WWOX: variants seen among roughly 807,000 people sequenced by gnomAD.
The protein encoded by WWOX is WW domain containing oxidoreductase.
A neutral mutation model predicts 46.2 loss-of-function variants in WWOX; 69 were observed. The ratio of observed to expected loss-of-function variants is 1.49; its 90% CI spans 1.23 to 1.82. WWOX has a LOEUF of 1.82. WWOX is among the 40% of genes most tolerant of loss of function. The pLI, the probability that WWOX is intolerant of heterozygous loss-of-function variation, is 0.00. For synonymous variants in WWOX, 359 were observed against 202.6 expected (o/e 1.77, Z -6.56); for missense variants, 919 against 542.6 (o/e 1.69, Z -6.89).
intron 5 of WWOX, among the ~76,000 whole-genome samples, chr16:78,374,979 C>T (rs933296294): frequency 1.3e-5 from 2 of 152,184 alleles, no homozygotes; most frequent in East Asian, 3.9e-4. Flanking sequence ...AGCCACTGCG[C>T]CTGTCTACAT....
At chr16:79,099,703 C>T (rs1022783596) in intron 8 of WWOX, among the ~76,000 whole-genome samples, 3 of 151,674 alleles carry the variant, frequency 2.0e-5, no homozygotes, top group Admixed American at 6.6e-5. Context: ...GGGTATGGGC[C>T]GAAAATAACA....
intron 8 of WWOX, among the ~76,000 whole-genome samples, chr16:78,602,576 C>T (rs1013956531): frequency 2.6e-5 from 4 of 152,178 alleles, no homozygotes; most frequent in Non-Finnish European, 5.9e-5. Flanking sequence ...AGCTGTTGTG[C>T]TGGTAGCATC....
chr16:78,321,889 C>G (rs1019005726), intron 5 of WWOX, among the ~76,000 whole-genome samples: 2 of 152,172 alleles, frequency 1.3e-5, no homozygotes, highest in South Asian at 4.2e-4. Flanking sequence ...TAGTGACATG[C>G]GCTCTTCCCA....
At chr16:79,045,158 C>G (rs1405725796) in intron 8 of WWOX, among the ~76,000 whole-genome samples, 1 of 152,176 alleles carries the variant, frequency 6.6e-6, no homozygotes, top group East Asian at 1.9e-4. Context: ...TTAACCTTTA[C>G]AAGTGTTAAA....
intron 8 of WWOX, among the ~76,000 whole-genome samples, chr16:78,596,747 C>T (rs114203334): frequency 3.4e-4 from 51 of 152,020 alleles, no homozygotes; most frequent in African/African-American, 9.4e-4. Context: ...ATTAAGTGAA[C>T]GAAGGGTGCA....
intron 5 of WWOX, among the ~76,000 whole-genome samples, chr16:78,383,823 G>C (rs147183902): frequency 7.2e-5 from 11 of 152,262 alleles, no homozygotes; most frequent in Non-Finnish European, 1.6e-4. Flanking sequence ...GTGTGGACTT[G>C]AATCACTATC....
Position 78,392,406 on chromosome 16 carries a change from C to T in WWOX, c.605+5458C>T, listed in dbSNP as rs375552778. 2.3e-4 allele frequency among the ~76,000 whole-genome samples: 35 copies of T among 152,158 alleles called. No individual in the cohort carries two copies. In the Middle Eastern group the frequency reaches 0.01, roughly 44 times the overall value. ...AGGAAAACAAGCTCAGGGCTCCCAC[C>T]GATTGTACATTATGGTGAGTTGGAT... is the stretch of plus-strand genomic sequence containing the variant. On this transcript the variant is annotated intron_variant, in intron 6 of 8. Coordinates refer to ENST00000566780, the MANE Select transcript of WWOX (RefSeq NM_016373.4).
chr16:79,066,294 C>T (rs1486838981), intron 8 of WWOX, among the ~76,000 whole-genome samples: 2 of 152,218 alleles, frequency 1.3e-5, no homozygotes, highest in Non-Finnish European at 2.9e-5. Context: ...CTTCCTCCCG[C>T]ACACTGAGCA....
chr16:78,774,676 T>C (rs893156988), intron 8 of WWOX, among the ~76,000 whole-genome samples: 22 of 151,948 alleles, frequency 1.4e-4, no homozygotes, highest in Admixed American at 1.2e-3. Context: ...CTTGAAAGAC[T>C]CATTGTCTGT....
At chr16:78,788,107 C>G (rs1263288516) in intron 8 of WWOX, among the ~76,000 whole-genome samples, 1 of 152,046 alleles carries the variant, frequency 6.6e-6, no homozygotes, top group Non-Finnish European at 1.5e-5. Flanking sequence ...CTTTTTTACT[C>G]TTTTTATAGT....
At position 78,376,757 on chromosome 16, in the gene WWOX, C is replaced by G. The variant is rs567213882; in HGVS notation, c.517-10103C>G. ...GTAGACATTAGCAGATGTCTGCTAGCAGTTAGAATGGCCTCTGGTTGAGAA... is the reference window on the plus strand; with the variant it reads ...GTAGACATTAGCAGATGTCTGCTAGGAGTTAGAATGGCCTCTGGTTGAGAA... On this transcript the variant is annotated intron_variant, in intron 5 of 8. Coordinates refer to ENST00000566780, the MANE Select transcript of WWOX (RefSeq NM_016373.4). Among the ~76,000 whole-genome samples the G allele has an allele frequency of 2.0e-5, 3 of 152,296 alleles. No homozygotes were observed. In the East Asian group the frequency reaches 5.8e-4, roughly 29 times the overall value.
intron 8 of WWOX, among the ~76,000 whole-genome samples, chr16:79,047,628 T>A (rs1181239389): frequency 6.6e-6 from 1 of 151,422 alleles, no homozygotes; most frequent in Non-Finnish European, 1.5e-5. Flanking sequence ...TCCCTTACAG[T>A]TCTGGATGTC....
At chr16:78,631,179 C>T (rs1597372328) in intron 8 of WWOX, among the ~76,000 whole-genome samples, 1 of 152,138 alleles carries the variant, frequency 6.6e-6, no homozygotes, top group South Asian at 2.1e-4. Context: ...GTTCCTTGAA[C>T]CAGTCCCCTT....
At chr16:78,658,209 G>C (rs924894248) in intron 8 of WWOX, among the ~76,000 whole-genome samples, 11 of 152,162 alleles carry the variant, frequency 7.2e-5, no homozygotes, top group African/African-American at 2.4e-4. Context: ...CCCTGGATGA[G>C]AACCCCTGCT....
intron 8 of WWOX, among the ~76,000 whole-genome samples, chr16:78,870,370 A>T (rs1033207627): frequency 3.3e-5 from 5 of 152,188 alleles, no homozygotes; most frequent in African/African-American, 1.2e-4. Flanking sequence ...ATTAAAGGAC[A>T]TCTCCCCTGA....
chr16:78,400,034 C>T (rs1297848240), intron 6 of WWOX, among the ~76,000 whole-genome samples: 1 of 152,094 alleles, frequency 6.6e-6, no homozygotes, highest in Non-Finnish European at 1.5e-5. Context: ...ATTGTGAGTC[C>T]TTTCTTGTCT....
At chr16:79,203,190 A>G (rs2051398867) in intron 8 of WWOX, 2 of 152,218 alleles carry the variant, frequency 1.3e-5, no homozygotes, top group South Asian at 2.1e-4. Context: ...GTGTAAAGGC[A>G]GTGCCTAAGC....
At chr16:78,716,547 T>C (rs898501247) in intron 8 of WWOX, among the ~76,000 whole-genome samples, 6 of 152,124 alleles carry the variant, frequency 3.9e-5, no homozygotes, top group African/African-American at 1.4e-4. Context: ...CTATGTCACC[T>C]GTGTGTACTC....
intron 8 of WWOX, chr16:78,996,335 G>T: frequency 2.0e-6 from 2 of 979,284 alleles, no homozygotes; most frequent in Non-Finnish European, 2.4e-6. Context: ...ACAGAAGATA[G>T]AAAGGATGAA....
Sources: gnomAD v4.1 joint callset for allele counts (sites outside exome capture counted in the v4.1 genomes callset) on GRCh38, gnomAD v4.1.1 for gene constraint, MANE v1.5 for transcripts, NCBI Gene and HGNC (gene_info 2026-07-23, HGNC 2026-07-21) for gene names.